The following TCF4 variants were observed in gnomAD, a reference collection of about 807,000 sequenced individuals.
The protein encoded by TCF4 is SL3-3 enhancer factor 2.
In TCF4, 3 loss-of-function variants were observed where a neutral mutation model predicts 82.1. The observed-to-expected ratio is 0.04, with a 90% CI of 0.02 to 0.09. The LOEUF is 0.09. Among genes scored for constraint, TCF4 ranks in the 10% least tolerant of loss-of-function variants. The probability of loss-of-function intolerance (pLI) is 1.00; values close to 1 mark genes in which losing one functional copy is unlikely to be tolerated. For missense variants in TCF4, 518 were observed against 852.7 expected, an observed-to-expected ratio of 0.61 and a Z score of 4.89; for synonymous variants, 276 against 309.6, an observed-to-expected ratio of 0.89 and a Z score of 1.14.
At chr18:55,451,595 T>C (rs73479254) in intron 5 of TCF4, among the ~76,000 whole-genome samples, 256 of 152,314 alleles carry the variant, frequency 1.7e-3, no homozygotes, top group African/African-American at 6.0e-3. Flanking sequence ...CTTATTTTTA[T>C]TGAGGATGAA....
chr18:55,295,276 A>C (rs541926230), intron 8 of TCF4, among the ~76,000 whole-genome samples: 1 of 152,288 alleles, frequency 6.6e-6, no homozygotes. Flanking sequence ...CAGGTGTGTC[A>C]TTCCTTACCT....
In TCF4 at chr18:55,228,437, C is replaced by G. The variant is rs188691584; in HGVS notation, c.1880-76G>C. The G allele has an allele frequency of 6.7e-5, 106 of 1,575,536 alleles. No homozygotes were observed. The African/African-American group carries it at 1.1e-3, about 17-fold the overall frequency. ...AGAGGGCAGCAATGCACTCTTCTTG[C>G]GTGTCTGACCTTTTTCTCAGTGTTT... is the stretch of plus-strand genomic sequence containing the variant. On this transcript the variant is annotated intron_variant, in intron 18 of 19. Transcript: ENST00000354452.
intron 9 of TCF4, among the ~76,000 whole-genome samples, chr18:55,277,499 T>C (rs1423232239): frequency 6.6e-6 from 1 of 152,192 alleles, no homozygotes; most frequent in African/African-American, 2.4e-5. Flanking sequence ...CACAGTAAAT[T>C]AATATTTATC....
chr18:55,326,577 A>C (rs2076606056), intron 8 of TCF4, among the ~76,000 whole-genome samples: 1 of 152,126 alleles, frequency 6.6e-6, no homozygotes, highest in Admixed American at 6.6e-5. Flanking sequence ...TGGCCTGAGA[A>C]TTATGTATGT....
At chr18:55,434,538 G>C (rs956971576) in intron 5 of TCF4, among the ~76,000 whole-genome samples, 1 of 149,338 alleles carries the variant, frequency 6.7e-6, no homozygotes, top group African/African-American at 2.5e-5. Flanking sequence ...TCCTGCCTCA[G>C]CCTCCCAAGT....
At chr18:55,246,715 T>A (rs1399033413) in intron 15 of TCF4, among the ~76,000 whole-genome samples, 1 of 152,158 alleles carries the variant, frequency 6.6e-6, no homozygotes, top group Non-Finnish European at 1.5e-5. Flanking sequence ...TCTGTCCTTT[T>A]TTTTTTCAGT....
At chr18:55,363,162 T>A (rs1029411510) in intron 6 of TCF4, among the ~76,000 whole-genome samples, 5 of 152,122 alleles carry the variant, frequency 3.3e-5, no homozygotes, top group Admixed American at 6.6e-5. Context: ...AGATGTAAGT[T>A]GAGAATATAT....
At chr18:55,332,889 A>G (rs559516385) in intron 8 of TCF4, among the ~76,000 whole-genome samples, 1 of 152,336 alleles carries the variant, frequency 6.6e-6, no homozygotes, top group African/African-American at 2.4e-5. Context: ...TGATGAATAT[A>G]ATTTTGTTGA....
intron 3 of TCF4, among the ~76,000 whole-genome samples, chr18:55,478,756 T>G (rs2096356300): frequency 6.6e-6 from 1 of 151,616 alleles, no homozygotes; most frequent in Non-Finnish European, 1.5e-5. Flanking sequence ...TAAGCCCTTT[T>G]CAATTCAAGA....
At chr18:55,632,030 G>C (rs1051451686) in intron 1 of TCF4, among the ~76,000 whole-genome samples, 3 of 151,956 alleles carry the variant, frequency 2.0e-5, no homozygotes, top group African/African-American at 7.3e-5. Context: ...TTTTGTTGTT[G>C]TTGTTGTTTT....
At chr18:55,467,213 G>A (rs768756384) in intron 3 of TCF4, among the ~76,000 whole-genome samples, 4 of 152,040 alleles carry the variant, frequency 2.6e-5, no homozygotes, top group Non-Finnish European at 5.9e-5. Context: ...CATAGCATGC[G>A]CAATGGTAAT....
intron 8 of TCF4, among the ~76,000 whole-genome samples, chr18:55,339,783 G>A (rs542974861): frequency 5.3e-5 from 8 of 152,218 alleles, no homozygotes; most frequent in East Asian, 1.9e-4. Flanking sequence ...TCTCATAGCC[G>A]ATGATCAAAA....
chr18:55,503,215 T>C (rs1047663030), intron 3 of TCF4, among the ~76,000 whole-genome samples: 2 of 152,254 alleles, frequency 1.3e-5, no homozygotes, highest in African/African-American at 2.4e-5. Context: ...TTTGAAGGTC[T>C]ATAGAAACAA....
At chr18:55,362,992 A>G (rs1354241357) in intron 6 of TCF4, among the ~76,000 whole-genome samples, 1 of 152,214 alleles carries the variant, frequency 6.6e-6, no homozygotes, top group Non-Finnish European at 1.5e-5. Context: ...CCAGGAAAGT[A>G]TTTGCATAAA....
intron 11 of TCF4, chr18:55,265,549 G>A (rs2058967830): frequency 6.6e-6 from 1 of 152,134 alleles, no homozygotes; most frequent in Non-Finnish European, 1.5e-5. Context: ...GTTCTCTGCT[G>A]GTGGTCTTGG....
chr18:55,337,426 C>G (rs752478692), intron 8 of TCF4, among the ~76,000 whole-genome samples: 12 of 152,188 alleles, frequency 7.9e-5, no homozygotes, highest in Non-Finnish European at 1.6e-4. Flanking sequence ...GCAACTCGCT[C>G]TTTTTGCCTT....
chr18:55,364,127 G>C (rs934222061), intron 6 of TCF4, among the ~76,000 whole-genome samples: 2 of 152,122 alleles, frequency 1.3e-5, no homozygotes, highest in African/African-American at 4.8e-5. Context: ...AAACTTTCTG[G>C]AAGGCAAGTT....
chr18:55,542,113 C>G (rs1460061718), intron 3 of TCF4, among the ~76,000 whole-genome samples: 1 of 151,926 alleles, frequency 6.6e-6, no homozygotes, highest in Admixed American at 6.6e-5. Flanking sequence ...AGGTGTAAAA[C>G]TGTGAACACA....
At chr18:55,466,182 C>G (rs538575564) in intron 3 of TCF4, among the ~76,000 whole-genome samples, 1 of 152,082 alleles carries the variant, frequency 6.6e-6, no homozygotes, top group Non-Finnish European at 1.5e-5. Context: ...CATAATTGCA[C>G]AAAACAGCTC....
Sources: allele counts gnomAD v4.1 joint callset (sites outside exome capture counted in the v4.1 genomes callset), GRCh38; gene constraint gnomAD v4.1.1; transcripts MANE v1.5; gene names NCBI Gene and HGNC (gene_info 2026-07-23, HGNC 2026-07-21).